The following EYA2 variants were observed in gnomAD, a reference collection of about 807,000 sequenced individuals.
EYA2 encodes the protein protein phosphatase EYA2.
EYA2 carries 31 observed loss-of-function variants against 69.2 expected under a neutral mutation model. That is an observed-to-expected ratio of 0.45 (90% CI 0.34 to 0.60). The LOEUF is 0.60. Among genes scored for constraint, EYA2 ranks in the 20% least tolerant of loss-of-function variants. The pLI, the probability that EYA2 is intolerant of heterozygous loss-of-function variation, is 0.02. For synonymous variants in EYA2, 257 were observed against 279.4 expected, an observed-to-expected ratio of 0.92 and a Z score of 0.80; for missense variants, 622 against 701.2, an observed-to-expected ratio of 0.89 and a Z score of 1.28.
intron 12 of EYA2, among the ~76,000 whole-genome samples, chr20:47,174,745 G>A (rs1012551865): frequency 2.6e-5 from 4 of 152,258 alleles, no homozygotes; most frequent in Non-Finnish European, 5.9e-5. Context: ...TATCAACGGT[G>A]TTGCTTGAAA....
rs142607674 is a variant in EYA2 at position 46,980,020 on chromosome 20, G to A, written c.-10-9981G>A. Among the ~76,000 whole-genome samples the A allele has an allele frequency of 1.4e-3, 213 of 152,278 alleles. 1 individual carries two copies. Among genetic ancestry groups the A allele is most frequent in the Non-Finnish European group, 2.1e-3 (146 of 68,026 alleles). ...TTTGAACCCCTGGAGCAGATAACAC[G>A]TCTGGTGCTCTGACTGGGTAGCTTA... is the stretch of plus-strand genomic sequence containing the variant. On this transcript the variant is annotated intron_variant, in intron 1 of 15. Transcript: ENST00000327619.
intron 5 of EYA2, among the ~76,000 whole-genome samples, chr20:47,041,300 T>C (rs1045910475): frequency 6.6e-6 from 1 of 152,224 alleles, no homozygotes; most frequent in Admixed American, 6.5e-5. Context: ...TATCTTATGT[T>C]ATTTTGAATA....
intron 1 of EYA2, among the ~76,000 whole-genome samples, chr20:46,919,049 A>G (rs1209974404): frequency 6.6e-6 from 1 of 152,254 alleles, no homozygotes; most frequent in African/African-American, 2.4e-5. Flanking sequence ...GCAGGTCTCA[A>G]CAGTGAGCCT....
chr20:47,042,161 T>G (rs1358320459), intron 5 of EYA2, among the ~76,000 whole-genome samples: 1 of 152,186 alleles, frequency 6.6e-6, no homozygotes, highest in African/African-American at 2.4e-5. Flanking sequence ...CATTAATTGC[T>G]TACAACTACC....
intron 1 of EYA2, among the ~76,000 whole-genome samples, chr20:46,919,728 A>T (rs945020720): frequency 2.6e-5 from 4 of 152,158 alleles, no homozygotes. Context: ...TTCCTTCAAA[A>T]ATTTTTCCTT....
intron 10 of EYA2, 50 bp downstream of exon 10, chr20:47,143,198 A>G (rs762264147): frequency 2.1e-6 from 3 of 1,448,996 alleles, no homozygotes; most frequent in East Asian, 4.7e-5. Flanking sequence ...AATCACCTGC[A>G]TCTAGTTTAT....
chr20:46,912,042 C>T (rs193148424), intron 1 of EYA2, among the ~76,000 whole-genome samples: 58 of 152,234 alleles, frequency 3.8e-4, no homozygotes, highest in Admixed American at 7.2e-4. Context: ...ATCACATGGA[C>T]CCCCCATAAA....
At chr20:47,067,895 T>C (rs1437283125) in intron 5 of EYA2, among the ~76,000 whole-genome samples, 2 of 152,218 alleles carry the variant, frequency 1.3e-5, no homozygotes, top group Admixed American at 6.5e-5. Context: ...TCTCTGGATA[T>C]AGCATTCTGA....
At chr20:47,150,388 A>T (rs768049273) in intron 10 of EYA2, among the ~76,000 whole-genome samples, 8 of 152,204 alleles carry the variant, frequency 5.3e-5, no homozygotes, top group Admixed American at 2.6e-4. Context: ...TTTCTCTCTC[A>T]TGAGGAAATC....
At chr20:47,156,885 G>A (rs1486683466) in intron 10 of EYA2, among the ~76,000 whole-genome samples, 2 of 151,938 alleles carry the variant, frequency 1.3e-5, no homozygotes, top group African/African-American at 4.8e-5. Flanking sequence ...TTTTTCTAAC[G>A]CAAATTTGTC....
intron 9 of EYA2, among the ~76,000 whole-genome samples, chr20:47,098,761 A>T (rs1390642598): frequency 2.0e-5 from 3 of 152,072 alleles, no homozygotes; most frequent in Non-Finnish European, 2.9e-5. Context: ...AGCCCCCTAC[A>T]TTGGAGTCAT....
intron 1 of EYA2, chr20:46,901,023 T>C (rs1984075281): frequency 1.3e-5 from 2 of 152,216 alleles, no homozygotes. Context: ...AATTCCTGCC[T>C]GTTAGACGTG....
At chr20:47,017,956 C>T (rs1983510538) in intron 5 of EYA2, among the ~76,000 whole-genome samples, 1 of 152,222 alleles carries the variant, frequency 6.6e-6, no homozygotes, top group Non-Finnish European at 1.5e-5. Flanking sequence ...GTAACCCCGG[C>T]ACTTTCCTGC....
chr20:47,072,311 A>C, intron 6 of EYA2, 59 bp downstream of exon 6: 2 of 1,504,052 alleles, frequency 1.3e-6, no homozygotes, highest in Non-Finnish European at 1.8e-6. Context: ...TTCCCCTTAC[A>C]TCAGGGCACC....
chr20:47,161,575 G>A lies in EYA2; in HGVS notation c.979-7564G>A, dbSNP rs1044023290. 15 of 334,360 alleles carry A rather than the reference G, an allele frequency of 4.5e-5. No homozygotes were observed. The Admixed American group carries it at 5.6e-4, about 13-fold the overall frequency. The allele number at this position is 334,360 out of a possible 1,614,324, so 20.7% of individuals were successfully genotyped here. ...TCCTTGTCCTTGGTCTTGCCTCTGT[G>A]AGCTCCTCGGCCTTGGCCCGGGCCC... On this transcript the variant is annotated intron_variant, in intron 10 of 15. Transcript: ENST00000327619.
At chr20:47,175,504 T>C (rs2034409047) in intron 12 of EYA2, among the ~76,000 whole-genome samples, 1 of 152,048 alleles carries the variant, frequency 6.6e-6, no homozygotes, top group African/African-American at 2.4e-5. Context: ...TGGCTAATAG[T>C]GTCTGCAATA....
At chr20:47,149,364 C>T (rs896306551) in intron 10 of EYA2, among the ~76,000 whole-genome samples, 2 of 152,116 alleles carry the variant, frequency 1.3e-5, no homozygotes, top group African/African-American at 2.4e-5. Flanking sequence ...TGCAGATTTT[C>T]ATTATCAGCT....
chr20:47,183,484 C>A (rs1324758265), intron 15 of EYA2, 93 bp downstream of exon 15: 3 of 1,157,048 alleles, frequency 2.6e-6, no homozygotes, highest in African/African-American at 1.5e-5. Context: ...CTCCACTCCC[C>A]GTGGCTGGCT....
chr20:47,116,717 G>A (rs1299454605), intron 9 of EYA2, among the ~76,000 whole-genome samples: 1 of 152,140 alleles, frequency 6.6e-6, no homozygotes, highest in Non-Finnish European at 1.5e-5. Context: ...CGCTCCCACT[G>A]TGTCAACAGC....
Sources: gnomAD v4.1 joint callset for allele counts (sites outside exome capture counted in the v4.1 genomes callset) on GRCh38, gnomAD v4.1.1 for gene constraint, MANE v1.5 for transcripts, NCBI Gene and HGNC (gene_info 2026-07-23, HGNC 2026-07-21) for gene names.